Variants in ZFAND3 observed in about 807,000 individuals in gnomAD.
ZFAND3 encodes the protein zinc finger AN1-type containing 3.
A neutral mutation model predicts 29.6 loss-of-function variants in ZFAND3; 10 were observed. That is an observed-to-expected ratio of 0.34 (90% confidence interval 0.21 to 0.57). The LOEUF (loss-of-function observed/expected upper bound fraction) is 0.57. ZFAND3 is among the 20% of genes least tolerant of loss of function. The probability of loss-of-function intolerance (pLI) is 0.86; values close to 1 mark genes in which losing one functional copy is unlikely to be tolerated. For missense variants in ZFAND3, 230 were observed against 304.5 expected (o/e 0.76, Z 1.82); for synonymous variants, 128 against 112.6 (o/e 1.14, Z -0.87).
chr6:38,070,926 C>T (rs1044302080), intron 3 of ZFAND3, among the ~76,000 whole-genome samples: 4 of 151,798 alleles, frequency 2.6e-5, no homozygotes, highest in Non-Finnish European at 5.9e-5. Flanking sequence ...TTCCAGACAT[C>T]TCCTGATAGT....
chr6:38,151,381 T>A (rs1292514396), intron 5 of ZFAND3, among the ~76,000 whole-genome samples: 1 of 152,204 alleles, frequency 6.6e-6, no homozygotes, highest in Non-Finnish European at 1.5e-5. Flanking sequence ...GAAAGACAGC[T>A]GGAGGCCTGA....
chr6:38,115,801 T>G (rs1390593369), intron 4 of ZFAND3, among the ~76,000 whole-genome samples: 1 of 150,798 alleles, frequency 6.6e-6, no homozygotes, highest in Non-Finnish European at 1.5e-5. Context: ...CTTTGTTGCG[T>G]CTTAATTACT....
chr6:37,891,607 A>G (rs998279632), intron 1 of ZFAND3, among the ~76,000 whole-genome samples: 1 of 152,106 alleles, frequency 6.6e-6, no homozygotes, highest in Non-Finnish European at 1.5e-5. Context: ...AAATAAATAA[A>G]TAAATCATAG....
chr6:37,917,027 C>G (rs1761271662), intron 1 of ZFAND3, among the ~76,000 whole-genome samples: 1 of 152,158 alleles, frequency 6.6e-6, no homozygotes, highest in South Asian at 2.1e-4. Context: ...GGCCCCAAAG[C>G]ACAAACATAG....
At chr6:38,032,406 G>C (rs1307780643) in intron 2 of ZFAND3, among the ~76,000 whole-genome samples, 2 of 152,180 alleles carry the variant, frequency 1.3e-5, no homozygotes, top group East Asian at 3.8e-4. Context: ...TCAAGTCTTT[G>C]AGACAGTTAA....
At chr6:38,113,375 C>T (rs1475994450) in intron 4 of ZFAND3, among the ~76,000 whole-genome samples, 1 of 152,156 alleles carries the variant, frequency 6.6e-6, no homozygotes, top group Non-Finnish European at 1.5e-5. Context: ...CATCAGAAAC[C>T]TCCTTTAGGA....
chr6:37,989,282 C>G (rs1302016958), intron 2 of ZFAND3, among the ~76,000 whole-genome samples: 2 of 152,204 alleles, frequency 1.3e-5, no homozygotes, highest in East Asian at 1.9e-4. Flanking sequence ...GGCAAAGTCT[C>G]TATCTTAAAA....
chr6:37,935,404 A>T (rs569684694), intron 2 of ZFAND3, among the ~76,000 whole-genome samples: 1 of 152,260 alleles, frequency 6.6e-6, no homozygotes, highest in African/African-American at 2.4e-5. Context: ...TTTTACTTAA[A>T]TAAGTAAATG....
chr6:37,863,275 TCAC>T (rs1764527253), intron 1 of ZFAND3, among the ~76,000 whole-genome samples: 1 of 152,182 alleles, frequency 6.6e-6, no homozygotes, highest in Admixed American at 6.5e-5. Context: ...CATCAAGTGG[TCAC>T]ATACCACTTT....
At position 37,824,767 on chromosome 6, in the gene ZFAND3, T is replaced by C. The variant is rs535275059; in HGVS notation, c.71+4751T>C. On this transcript the variant is annotated intron_variant, in intron 1 of 5. Transcript: ENST00000287218. Reference sequence around the variant, plus strand: ...GCAAATATCATATGGGTTCATTTTCTTTAGGGAAATAGATTTTGTTAGTAT... The same window carrying C: ...GCAAATATCATATGGGTTCATTTTCCTTAGGGAAATAGATTTTGTTAGTAT... 2.0e-5 allele frequency among the ~76,000 whole-genome samples: 3 copies of C among 152,328 alleles called. No homozygotes were observed. The South Asian group carries it at 6.2e-4, about 32-fold the overall frequency.
chr6:38,073,865 A>G (rs552700087), intron 3 of ZFAND3, among the ~76,000 whole-genome samples: 1 of 152,352 alleles, frequency 6.6e-6, no homozygotes, highest in East Asian at 1.9e-4. Flanking sequence ...CTCTTCTTAC[A>G]TACGTAGCAG....
rs548398403 is a variant in ZFAND3, at chr6:37,908,338, G to A, written c.72-21621G>A. Among the ~76,000 whole-genome samples the A allele has an allele frequency of 4.6e-5, 7 of 152,174 alleles. No homozygotes were observed. The South Asian group carries it at 1.0e-3, about 23-fold the overall frequency. ...GCACAGATCTAAAAATACCTTAAAT[G>A]CTTTATTTTAATGTAAAACGTAAAT... is the stretch of plus-strand genomic sequence containing the variant. On this transcript the variant is annotated intron_variant, in intron 1 of 5. Coordinates refer to ENST00000287218, the MANE Select transcript of ZFAND3 (RefSeq NM_021943.3).
At chr6:37,923,972 T>C (rs1761433158) in intron 1 of ZFAND3, among the ~76,000 whole-genome samples, 1 of 152,216 alleles carries the variant, frequency 6.6e-6, no homozygotes, top group African/African-American at 2.4e-5. Flanking sequence ...TGAGTTTTAG[T>C]TTTTACTTTT....
At chr6:37,988,761 C>G (rs1408551745) in intron 2 of ZFAND3, among the ~76,000 whole-genome samples, 2 of 152,112 alleles carry the variant, frequency 1.3e-5, no homozygotes, top group Admixed American at 6.5e-5. Flanking sequence ...TCCTTTCCTC[C>G]CTCCTTCCAA....
chr6:37,919,433 A>G (rs1761331599), intron 1 of ZFAND3, among the ~76,000 whole-genome samples: 1 of 152,224 alleles, frequency 6.6e-6, no homozygotes, highest in African/African-American at 2.4e-5. Context: ...ATCAGACTTC[A>G]ATATTTACCA....
chr6:37,924,072 A>G (rs1761436329), intron 1 of ZFAND3, among the ~76,000 whole-genome samples: 1 of 152,172 alleles, frequency 6.6e-6, no homozygotes. Context: ...AAAAAATTTA[A>G]GCAGATTTCT....
At chr6:37,944,707 G>GTATTTA (rs1291124365) in intron 2 of ZFAND3, among the ~76,000 whole-genome samples, 1 of 152,184 alleles carries the variant, frequency 6.6e-6, no homozygotes, top group East Asian at 1.9e-4. Flanking sequence ...ACAATACTAA[G>GTATTTA]TATTTAATAT....
chr6:38,105,890 A>G (rs765348447), intron 4 of ZFAND3, among the ~76,000 whole-genome samples: 5 of 152,208 alleles, frequency 3.3e-5, no homozygotes, highest in African/African-American at 4.8e-5. Flanking sequence ...TTAGGTAAAT[A>G]AGGCAAATAA....
chr6:37,830,008 TC>T (rs1763831565), intron 1 of ZFAND3, among the ~76,000 whole-genome samples: 1 of 152,218 alleles, frequency 6.6e-6, no homozygotes, highest in Non-Finnish European at 1.5e-5. Context: ...TTTTAAACTT[TC>T]TAGGATTATA....
Sources: allele counts gnomAD v4.1 joint callset (sites outside exome capture counted in the v4.1 genomes callset), GRCh38; gene constraint gnomAD v4.1.1; transcripts MANE v1.5; gene names NCBI Gene and HGNC (gene_info 2026-07-23, HGNC 2026-07-21).